The following CYSTM1 variants were observed in gnomAD, a reference collection of about 807,000 sequenced individuals.
CYSTM1 encodes cysteine-rich transmembrane module-containing protein 1.
CYSTM1 carries 4 observed loss-of-function variants against 13.1 expected under a neutral mutation model. The ratio of observed to expected loss-of-function variants is 0.31; its 90% CI spans 0.15 to 0.70. The LOEUF (loss-of-function observed/expected upper bound fraction) is 0.70, where lower values mean the gene tolerates loss of function less well. Among genes scored for constraint, CYSTM1 ranks in the 30% least tolerant of loss-of-function variants. The pLI is 0.72. For synonymous variants in CYSTM1, 36 were observed against 42.7 expected (o/e 0.84, Z 0.62); for missense variants, 96 against 121.6 (o/e 0.79, Z 0.99).
intron 1 of CYSTM1, among the ~76,000 whole-genome samples, chr5:140,178,494 G>A (rs1037209838): frequency 7.8e-6 from 1 of 127,888 alleles, no homozygotes; most frequent in Non-Finnish European, 1.6e-5. Flanking sequence ...ATGTTGCCCA[G>A]GTTGGTCTCT....
chr5:140,224,085 C>G (rs1306129855), intron 2 of CYSTM1, among the ~76,000 whole-genome samples: 1 of 152,162 alleles, frequency 6.6e-6, no homozygotes, highest in Non-Finnish European at 1.5e-5. Flanking sequence ...ATTTAAATAG[C>G]AAGCTTTTAG....
chr5:140,184,575 G>T (rs529074442), intron 1 of CYSTM1, among the ~76,000 whole-genome samples: 1 of 152,256 alleles, frequency 6.6e-6, no homozygotes, highest in African/African-American at 2.4e-5. Flanking sequence ...AAGGCTGTCT[G>T]CTCTAAACAT....
At chr5:140,232,194 A>G (rs772837570) in intron 2 of CYSTM1, among the ~76,000 whole-genome samples, 70 of 152,284 alleles carry the variant, frequency 4.6e-4, no homozygotes, top group South Asian at 6.2e-4. Flanking sequence ...TGATTGGTTG[A>G]GAGAGAGAAC....
intron 2 of CYSTM1, chr5:140,200,557 C>CTGTTTTTTTTT (rs1764213921): frequency 1.3e-5 from 1 of 78,712 alleles, no homozygotes; most frequent in Non-Finnish European, 2.3e-5. Flanking sequence ...TCCCCCCGGC[C>CTGTTTTTTTTT]TTTTTTTTTT....
intron 1 of CYSTM1, among the ~76,000 whole-genome samples, chr5:140,178,534 T>G (rs1273908227): frequency 7.4e-6 from 1 of 135,828 alleles, no homozygotes; most frequent in African/African-American, 2.7e-5. Context: ...TCCTCCCACC[T>G]CAACCCTGTG....
At chr5:140,242,210 G>GC (rs1764758445) in intron 2 of CYSTM1, among the ~76,000 whole-genome samples, 2 of 152,292 alleles carry the variant, frequency 1.3e-5, no homozygotes, top group South Asian at 4.1e-4. Context: ...TTAAACCTGT[G>GC]CCATAGGAGA....
At chr5:140,232,241 G>A (rs926003460) in intron 2 of CYSTM1, among the ~76,000 whole-genome samples, 1 of 152,202 alleles carries the variant, frequency 6.6e-6, no homozygotes, top group East Asian at 1.9e-4. Flanking sequence ...GTATCTATGA[G>A]ACATTCAAGT....
chr5:140,184,640 TTGA>T (rs1472319506), intron 1 of CYSTM1, among the ~76,000 whole-genome samples: 1 of 152,224 alleles, frequency 6.6e-6, no homozygotes, highest in Non-Finnish European at 1.5e-5. Flanking sequence ...ATTTTAGTTG[TTGA>T]TATTTTCAGG....
rs1381428847 is a variant in CYSTM1 at position 140,226,704 on chromosome 5, T to C, written c.188-16601T>C. On this transcript the variant is annotated intron_variant, in intron 2 of 2. Transcript: ENST00000261811. ...TCACTTGAACCTGGGAGGCAGAGGT[T>C]GCAGTGAGCCGAGATCGCACCCTTG... Among the ~76,000 whole-genome samples the C allele has an allele frequency of 3.6e-5, 5 of 139,898 alleles. No individual in the cohort carries two copies. In the East Asian group the frequency reaches 1.0e-3, roughly 29 times the overall value. The allele number at this position is 139,898 out of a possible 152,430, so 91.8% of individuals were successfully genotyped here.
chr5:140,196,606 C>T (rs765189133), intron 2 of CYSTM1, among the ~76,000 whole-genome samples: 1 of 152,146 alleles, frequency 6.6e-6, no homozygotes, highest in Non-Finnish European at 1.5e-5. Flanking sequence ...CATGCATGCT[C>T]GGAAGAGGGC....
chr5:140,203,353 C>G (rs1483254252), intron 2 of CYSTM1, among the ~76,000 whole-genome samples: 2 of 152,210 alleles, frequency 1.3e-5, no homozygotes, highest in Non-Finnish European at 2.9e-5. Flanking sequence ...GGCTTTTTCA[C>G]CCCCTTGGCT....
chr5:140,212,721 C>CTTTGGGAGGCCAGAGTG (rs1764382654), intron 2 of CYSTM1, among the ~76,000 whole-genome samples: 1 of 152,092 alleles, frequency 6.6e-6, no homozygotes, highest in African/African-American at 2.4e-5. Flanking sequence ...AATCCCAGCA[C>CTTTGGGAGGCCAGAGTG]TTTGGGAGGC....
At chr5:140,186,291 A>G (rs1336315222) in intron 1 of CYSTM1, among the ~76,000 whole-genome samples, 1 of 152,244 alleles carries the variant, frequency 6.6e-6, no homozygotes, top group Admixed American at 6.5e-5. Flanking sequence ...AACGATAGAA[A>G]AGGAAGATGC....
intron 2 of CYSTM1, among the ~76,000 whole-genome samples, chr5:140,195,288 ATCCAAG>A (rs1285095936): frequency 6.6e-6 from 1 of 152,208 alleles, no homozygotes; most frequent in East Asian, 1.9e-4. Flanking sequence ...TTGCTGTGAC[ATCCAAG>A]TATGTAATCT....
chr5:140,236,720 T>A (rs1764684889), intron 2 of CYSTM1, among the ~76,000 whole-genome samples: 1 of 152,186 alleles, frequency 6.6e-6, no homozygotes, highest in Non-Finnish European at 1.5e-5. Context: ...TTACTTGAAA[T>A]CATCCAGCTC....
chr5:140,203,361 G>T (rs944537676), intron 2 of CYSTM1, among the ~76,000 whole-genome samples: 1 of 152,046 alleles, frequency 6.6e-6, no homozygotes, highest in African/African-American at 2.4e-5. Flanking sequence ...CACCCCCTTG[G>T]CTCAGAAGTC....
intron 2 of CYSTM1, among the ~76,000 whole-genome samples, chr5:140,209,765 G>C (rs912631616): frequency 5.9e-5 from 9 of 151,524 alleles, no homozygotes; most frequent in Admixed American, 5.3e-4. Context: ...TCACCATGTT[G>C]GCCAGGCTGG....
At chr5:140,198,714 C>G (rs1764183373) in intron 2 of CYSTM1, among the ~76,000 whole-genome samples, 1 of 152,194 alleles carries the variant, frequency 6.6e-6, no homozygotes, top group African/African-American at 2.4e-5. Context: ...ACATACAATT[C>G]ATGTACCATA....
chr5:140,202,722 G>A (rs980227539), intron 2 of CYSTM1: 3 of 152,174 alleles, frequency 2.0e-5, no homozygotes, highest in Non-Finnish European at 4.4e-5. Context: ...AAGCCATTTG[G>A]TTTGGCCAGT....
Sources: gnomAD v4.1 joint callset for allele counts (sites outside exome capture counted in the v4.1 genomes callset) on GRCh38, gnomAD v4.1.1 for gene constraint, MANE v1.5 for transcripts, NCBI Gene and HGNC (gene_info 2026-07-23, HGNC 2026-07-21) for gene names.